TBC1D9: variants seen among roughly 807,000 people sequenced by gnomAD.
TBC1D9 encodes TBC1 domain family member 9.
A neutral mutation model predicts 132.0 loss-of-function variants in TBC1D9; 63 were observed. The observed-to-expected ratio is 0.48, with a 90% CI of 0.39 to 0.59. The LOEUF (loss-of-function observed/expected upper bound fraction) is 0.59, where lower values mean the gene tolerates loss of function less well. TBC1D9 is among the 20% of genes least tolerant of loss of function. The pLI, the probability that TBC1D9 is intolerant of heterozygous loss-of-function variation, is 0.00. For missense variants in TBC1D9, 1,261 were observed against 1,592.7 expected (o/e 0.79, Z 3.54); for synonymous variants, 610 against 609.9 (o/e 1.00, Z 0.00).
chr4:140,634,128 G>C lies in TBC1D9; in HGVS notation c.2566C>G (p.Pro856Ala). The C allele has an allele frequency of 6.2e-7, 1 of 1,613,946 alleles. No homozygotes were observed. The highest frequency in any genetic ancestry group is 8.5e-7 in the Non-Finnish European group (1 of 1,179,898). Residue 856 changes from proline (P) to alanine (A), a missense_variant, in exon 16 of 21, where the codon CCC (proline) becomes GCC (alanine). Physicochemically the swap from Pro to Ala is conservative, Grantham distance 27. Around this residue, in one of 3 missense-constraint regions of TBC1D9, gnomAD observed 618 missense variants for 724.4 expected, o/e 0.85. Transcript: ENST00000442267. ...TACTGTTCCAGGTAGGGCAGGCTGG[G>C]GTCATGCCGGTCCAGCGCGTTGCTG... is the stretch of plus-strand genomic sequence containing the variant. ...GSSNALDRHD[P>A]SLPYLEQYRI...
At position 140,679,181 on chromosome 4, in the gene TBC1D9, T is replaced by C; in HGVS notation, c.612A>G (p.Val204=). ...CATTCTTCTCAAGCTGAGTGATGTC[T>C]ACCCACCGGATGACCAGTTTCGCTG... ...GREAKLVIRW[V]DITQLEKNAT... Residue 204 remains valine (V), a synonymous_variant, in exon 5 of 21, where the codon GTA becomes GTG. Coordinates refer to ENST00000442267, the MANE Select transcript of TBC1D9 (RefSeq NM_015130.3). The C allele has an allele frequency of 6.2e-7, 1 of 1,613,584 alleles. No individual in the cohort carries two copies. Among genetic ancestry groups the C allele is most frequent in the Non-Finnish European group, 8.5e-7 (1 of 1,179,612 alleles).
At chr4:140,654,713 T>C (rs1737238984) in intron 13 of TBC1D9, among the ~76,000 whole-genome samples, 1 of 152,166 alleles carries the variant, frequency 6.6e-6, no homozygotes, top group Non-Finnish European at 1.5e-5. Context: ...GACAGTAAGG[T>C]GAAACATTCA....
intron 4 of TBC1D9, 31 bp from the exon 5 acceptor site, chr4:140,679,234 T>C (rs371460439): frequency 6.3e-7 from 1 of 1,592,492 alleles, no homozygotes; most frequent in African/African-American, 1.3e-5. Flanking sequence ...TGGGTCAACA[T>C]CTGATTCCTG....
At position 140,753,858 on chromosome 4, in the gene TBC1D9, T is replaced by C. The variant is rs537961597; in HGVS notation, c.130+2058A>G. 2.0e-5 allele frequency among the ~76,000 whole-genome samples: 3 copies of C among 152,352 alleles called. No homozygotes were observed. The South Asian group carries it at 6.2e-4, about 32-fold the overall frequency. On this transcript the variant is annotated intron_variant, in intron 1 of 20. Transcript: ENST00000442267. ...ATGAACTTACATTAGAATCAGAATA[T>C]ACTACACATTGTGTAACATTTCTAA...
rs1231726010 is a variant in TBC1D9 at position 140,661,849 on chromosome 4, AATTTT to A, written c.1803+39_1803+43del. 1.0e-5 allele frequency: 15 copies of A among 1,501,504 alleles called. 1 individual carries two copies. In the South Asian group the frequency reaches 1.5e-4, roughly 15 times the overall value. The allele number at this position is 1,501,504 out of a possible 1,614,324, so 93.0% of individuals were successfully genotyped here. Reference sequence around the variant, plus strand: ...CACTATTTGCTGCCAAATGAATAGAAATTTTATTTTATTTTTTTAGCAAAAACCAC... The same window carrying A: ...CACTATTTGCTGCCAAATGAATAGAAATTTTATTTTTTTAGCAAAAACCAC... On this transcript the variant is annotated intron_variant, in intron 10 of 20. Coordinates refer to ENST00000442267, the MANE Select transcript of TBC1D9 (RefSeq NM_015130.3).
At chr4:140,704,724 C>A (rs539594786) in intron 1 of TBC1D9, among the ~76,000 whole-genome samples, 1 of 152,182 alleles carries the variant, frequency 6.6e-6, no homozygotes, top group African/African-American at 2.4e-5. Flanking sequence ...CATATCTCCA[C>A]CACCACAATG....
chr4:140,750,853 G>A (rs557595497), intron 1 of TBC1D9, among the ~76,000 whole-genome samples: 11 of 151,980 alleles, frequency 7.2e-5, no homozygotes, highest in African/African-American at 2.4e-4. Flanking sequence ...ACAATGGTTC[G>A]ACTTACAAAT....
Position 140,679,244 on chromosome 4 carries a change from G to A in TBC1D9, c.590-41C>T, listed in dbSNP as rs373094230. The A allele has an allele frequency of 3.2e-6, 5 of 1,583,624 alleles. No homozygotes were observed. The African/African-American group carries it at 4.0e-5, about 13-fold the overall frequency. ...AAGCCTGGGTCAACATCTGATTCCTGAAAACGCTTTCAAGATATTGCAGTC... is the reference window on the plus strand; with the variant it reads ...AAGCCTGGGTCAACATCTGATTCCTAAAAACGCTTTCAAGATATTGCAGTC... On this transcript the variant is annotated intron_variant, in intron 4 of 20. Coordinates refer to ENST00000442267, the MANE Select transcript of TBC1D9 (RefSeq NM_015130.3).
At chr4:140,632,115 G>C (rs950432263) in intron 16 of TBC1D9, among the ~76,000 whole-genome samples, 2 of 152,170 alleles carry the variant, frequency 1.3e-5, no homozygotes, top group Non-Finnish European at 2.9e-5. Flanking sequence ...TGGACTTCAA[G>C]ACTCTTTTTC....
At chr4:140,622,988 T>C (rs968096669) in intron 20 of TBC1D9, 71 bp from the exon 21 acceptor site, 6 of 1,430,332 alleles carry the variant, frequency 4.2e-6, no homozygotes. Flanking sequence ...AAGTGGACTG[T>C]AAAGCCATTT....
intron 16 of TBC1D9, among the ~76,000 whole-genome samples, chr4:140,631,220 C>T (rs1736790186): frequency 6.6e-6 from 1 of 152,138 alleles, no homozygotes; most frequent in African/African-American, 2.4e-5. Flanking sequence ...TGACAGAAAC[C>T]CCTCATTTCT....
At chr4:140,719,768 A>G (rs1271113830) in intron 1 of TBC1D9, among the ~76,000 whole-genome samples, 1 of 152,224 alleles carries the variant, frequency 6.6e-6, no homozygotes, top group African/African-American at 2.4e-5. Context: ...TCAAGGGTAC[A>G]TAGCTCAAGG....
chr4:140,671,698 G>A (rs1480166215), intron 6 of TBC1D9, among the ~76,000 whole-genome samples: 2 of 151,518 alleles, frequency 1.3e-5, no homozygotes, highest in Non-Finnish European at 2.9e-5. Context: ...GTGTGTGTGT[G>A]TGTGTGTGTG....
Position 140,639,316 on chromosome 4 carries a change from C to T in TBC1D9, c.2436+14G>A, listed in dbSNP as rs1443698439. ...AGATGACAGAGGTTGCCTGCTACTT[C>T]TTAAAGGACTTACCACGTTGCGTTT... On this transcript the variant is annotated intron_variant, in intron 14 of 20. Transcript: ENST00000442267. 6.2e-7 allele frequency: 1 copy of T among 1,600,834 alleles called. No homozygotes were observed. Among genetic ancestry groups the T allele is most frequent in the Non-Finnish European group, 8.5e-7 (1 of 1,171,940 alleles).
intron 1 of TBC1D9, among the ~76,000 whole-genome samples, chr4:140,754,332 G>T (rs1486714071): frequency 1.3e-5 from 2 of 152,122 alleles, no homozygotes; most frequent in East Asian, 1.9e-4. Context: ...GGACTACATG[G>T]GCCGGGTGAG....
rs765293360 is a variant in TBC1D9, at chr4:140,633,929, A to G, written c.2746+19T>C. On this transcript the variant is annotated intron_variant, in intron 16 of 20. Transcript: ENST00000442267. ...TCCAGCATCCCATCCCAACTCATGC[A>G]ATAGTACCACGTCCTTACTTAGCCC... 1 of 1,613,128 alleles carries G rather than the reference A, an allele frequency of 6.2e-7. No homozygotes were observed. The highest frequency in any genetic ancestry group is 2.2e-5 in the East Asian group (1 of 44,882).
chr4:140,724,675 C>T lies in TBC1D9; in HGVS notation c.131-23061G>A, dbSNP rs542435896. 2.7e-5 allele frequency among the ~76,000 whole-genome samples: 4 copies of T among 147,108 alleles called. No homozygotes were observed. The South Asian group carries it at 8.7e-4, about 32-fold the overall frequency. On this transcript the variant is annotated intron_variant, in intron 1 of 20. Coordinates refer to ENST00000442267, the MANE Select transcript of TBC1D9 (RefSeq NM_015130.3). ...AAAAACTTGCAACTCAGATCACACA[C>T]AAAAGGCTCATGTACCTAATATACA...
At chr4:140,631,240 T>G (rs1199434496) in intron 16 of TBC1D9, among the ~76,000 whole-genome samples, 1 of 152,264 alleles carries the variant, frequency 6.6e-6, no homozygotes, top group Non-Finnish European at 1.5e-5. Flanking sequence ...TTTGTTTGTT[T>G]GAGATGGAGT....
At chr4:140,656,452 A>G (rs2110995725) in intron 13 of TBC1D9, among the ~76,000 whole-genome samples, 1 of 152,294 alleles carries the variant, frequency 6.6e-6, no homozygotes, top group South Asian at 2.1e-4. Flanking sequence ...AATAACTCAT[A>G]ATCTTCCTGC....
Sources: gnomAD v4.1 joint callset for allele counts (sites outside exome capture counted in the v4.1 genomes callset) on GRCh38, gnomAD v4.1.1 for gene constraint, gnomAD v4.1.1 regional missense constraint, MANE v1.5 for transcripts, NCBI Gene and HGNC (gene_info 2026-07-23, HGNC 2026-07-21) for gene names.